The following ZFP91 variants were observed in gnomAD, a reference collection of about 807,000 sequenced individuals.
ZFP91 encodes the protein ZFP91 zinc finger protein, atypical E3 ubiquitin ligase.
Under a neutral mutation model 63.5 loss-of-function variants are expected in ZFP91, and 7 were observed. The observed-to-expected ratio is 0.11, with a 90% CI of 0.06 to 0.21. The LOEUF (loss-of-function observed/expected upper bound fraction) is 0.21, where lower values mean the gene tolerates loss of function less well. Among genes scored for constraint, ZFP91 ranks in the 10% least tolerant of loss-of-function variants. ZFP91 has a pLI of 1.00. For missense variants in ZFP91, 628 were observed against 736.6 expected (o/e 0.85, Z 1.71); for synonymous variants, 330 against 272.1 (o/e 1.21, Z -2.10).
intron 2 of ZFP91, among the ~76,000 whole-genome samples, chr11:58,597,833 T>G (rs1855427450): frequency 6.6e-6 from 1 of 152,192 alleles, no homozygotes; most frequent in African/African-American, 2.4e-5. Context: ...CTATGCTTAT[T>G]AAGCAATTCA....
At position 58,579,158 on chromosome 11, in the gene ZFP91, G is replaced by A. The variant is rs1855030217; in HGVS notation, c.-124G>A. ...AGCCGGGCGGAGGGGAGGGGGGAAAGAGGAGCGCAGGGTGAGAGTGAGCCG... is the reference window on the plus strand; with the variant it reads ...AGCCGGGCGGAGGGGAGGGGGGAAAAAGGAGCGCAGGGTGAGAGTGAGCCG... On this transcript the variant is annotated 5_prime_UTR_variant, in exon 1 of 11. Transcript: ENST00000316059. 3 of 771,322 alleles carry A rather than the reference G, an allele frequency of 3.9e-6. No individual in the cohort carries two copies. The highest frequency in any genetic ancestry group is 3.6e-6 in the Non-Finnish European group (2 of 548,850). 47.8% of individuals were successfully genotyped at this position (771,322 alleles called of 1,614,324 possible).
At chr11:58,598,478 A>G (rs1047589017) in intron 2 of ZFP91, among the ~76,000 whole-genome samples, 1 of 152,110 alleles carries the variant, frequency 6.6e-6, no homozygotes, top group African/African-American at 2.4e-5. Context: ...CTGTAGTTAT[A>G]TTCACTGTGC....
intron 2 of ZFP91, among the ~76,000 whole-genome samples, chr11:58,587,054 T>C (rs1369284025): frequency 1.3e-5 from 2 of 152,126 alleles, no homozygotes; most frequent in Non-Finnish European, 2.9e-5. Context: ...TAGGCAACTT[T>C]CCATTAATTT....
Position 58,618,684 on chromosome 11 carries a change from C to T in ZFP91, c.*978C>T, listed in dbSNP as rs1565028013. On this transcript the variant is annotated 3_prime_UTR_variant, in exon 11 of 11. Transcript: ENST00000316059. ...CATAACAGGTACTTTGAAGGCAAGA[C>T]ATAGGGTTGAAGAAGCACAGCCAGC... 2.2e-6 allele frequency: 1 copy of T among 456,570 alleles called. No individual in the cohort carries two copies. Among genetic ancestry groups the T allele is most frequent in the Non-Finnish European group, 4.4e-6 (1 of 226,954 alleles). The allele number at this position is 456,570 out of a possible 1,614,324, so 28.3% of individuals were successfully genotyped here.
chr11:58,613,528 G>T (rs566814249), intron 8 of ZFP91, among the ~76,000 whole-genome samples: 24 of 152,196 alleles, frequency 1.6e-4, no homozygotes, highest in African/African-American at 5.3e-4. Flanking sequence ...GAGAACTTTC[G>T]TTGGAATCTT....
At position 58,617,522 on chromosome 11, in the gene ZFP91, T is replaced by C. The variant is rs1323817953; in HGVS notation, c.1529T>C (p.Leu510Ser). Residue 510 changes from leucine (L) to serine (S), a missense_variant, in exon 11 of 11, where the codon TTA (leucine) becomes TCA (serine). This residue lies in a region of ZFP91 where 115 missense variants were observed against 125.4 expected (regional missense o/e 0.92). Coordinates refer to ENST00000316059, the MANE Select transcript of ZFP91 (RefSeq NM_053023.5). This position sits in a 1 kb window ranked among gnomAD's most constrained non-coding sequence, Gnocchi z 4.2. ...TCAACCTCTGGAGAGTGCCTACTGT[T>C]AGAAGCTGAAGGGATGTCAAAGTCA... ...GNSTSGECLLLEAEGMSKSYC... is the reference protein window; with the variant it reads ...GNSTSGECLLSEAEGMSKSYC... 1.2e-6 allele frequency: 2 copies of C among 1,614,040 alleles called. No homozygotes were observed. Among genetic ancestry groups the C allele is most frequent in the East Asian group, 4.5e-5 (2 of 44,878 alleles).
At chr11:58,583,502 C>G (rs1287622312) in intron 1 of ZFP91, among the ~76,000 whole-genome samples, 2 of 151,460 alleles carry the variant, frequency 1.3e-5, no homozygotes, top group African/African-American at 2.4e-5. Flanking sequence ...TGGTAATATT[C>G]TGAATTGAAA....
At chr11:58,579,832 C>T (rs750139897) in intron 1 of ZFP91, among the ~76,000 whole-genome samples, 3 of 152,122 alleles carry the variant, frequency 2.0e-5, no homozygotes, top group Admixed American at 6.5e-5. Context: ...CTTGTCGGGC[C>T]GTTTCCCCAC....
intron 2 of ZFP91, among the ~76,000 whole-genome samples, chr11:58,605,926 T>C (rs943418471): frequency 5.9e-5 from 9 of 152,348 alleles, no homozygotes; most frequent in African/African-American, 1.9e-4. Flanking sequence ...CCTTTATTCT[T>C]TTTTTCTTTA....
chr11:58,616,642 C>G (rs1187372869), intron 9 of ZFP91, 74 bp from the exon 10 acceptor site: 2 of 1,252,552 alleles, frequency 1.6e-6, no homozygotes, highest in African/African-American at 3.0e-5. Flanking sequence ...GCCCCATCAT[C>G]TGCTTACTTA....
intron 2 of ZFP91, among the ~76,000 whole-genome samples, chr11:58,601,650 G>GAT (rs1855492451): frequency 6.6e-6 from 1 of 150,850 alleles, no homozygotes; most frequent in South Asian, 2.1e-4. Context: ...TTTATATCTA[G>GAT]AAATTTTACT....
At chr11:58,612,446 A>G in intron 7 of ZFP91, 118 bp downstream of exon 7, 1 of 940,874 alleles carries the variant, frequency 1.1e-6, no homozygotes, top group East Asian at 2.6e-5. Context: ...TCACAAAAGC[A>G]ACTTCACTAA....
chr11:58,586,624 A>G (rs1002386669), intron 2 of ZFP91, among the ~76,000 whole-genome samples: 2 of 152,196 alleles, frequency 1.3e-5, no homozygotes, highest in Non-Finnish European at 2.9e-5. Context: ...CAACTCTATG[A>G]ACAGTAGATA....
At chr11:58,605,686 A>C (rs1855559292) in intron 2 of ZFP91, among the ~76,000 whole-genome samples, 2 of 148,972 alleles carry the variant, frequency 1.3e-5, no homozygotes, top group Admixed American at 1.3e-4. Flanking sequence ...TGCTGTTTTT[A>C]TGGTTCTTTG....
At position 58,619,992 on chromosome 11, in the gene ZFP91, A is replaced by G. The variant is rs540387388; in HGVS notation, c.*2286A>G. On this transcript the variant is annotated 3_prime_UTR_variant, in exon 11 of 11. Transcript: ENST00000316059. ...TAGTCATCAGATATTTTAGCCACCT[A>G]CACAAAAGCAAACTGCATTTTTAAA... 1.1e-4 allele frequency: 16 copies of G among 152,204 alleles called. No individual in the cohort carries two copies. The highest frequency in any genetic ancestry group is 1.6e-4 in the Non-Finnish European group (11 of 68,048). 9.4% of individuals were successfully genotyped at this position (152,204 alleles called of 1,614,324 possible).
intron 9 of ZFP91, among the ~76,000 whole-genome samples, chr11:58,615,098 C>T (rs1462956558): frequency 6.6e-6 from 1 of 152,160 alleles, no homozygotes; most frequent in African/African-American, 2.4e-5. Flanking sequence ...AGGAAAGTTA[C>T]TTAACTTCTC....
chr11:58,591,824 A>C (rs1855311488), intron 2 of ZFP91, among the ~76,000 whole-genome samples: 1 of 152,116 alleles, frequency 6.6e-6, no homozygotes, highest in Non-Finnish European at 1.5e-5. Flanking sequence ...GAAGTGGTCC[A>C]ATGTAGCGAA....
rs1415874684 is a variant in ZFP91 at position 58,612,318 on chromosome 11, C to T, written c.898C>T (p.Pro300Ser). 6.2e-7 allele frequency: 1 copy of T among 1,613,580 alleles called. No homozygotes were observed. Among genetic ancestry groups the T allele is most frequent in the East Asian group, 2.2e-5 (1 of 44,854 alleles). ...RRKDDKSPRL[P>S]KRRKKPPIQY... ...AAAAGATGACAAAAGTCCACGTTTA[C>T]CCAAAAGGAGGTGAGGAATTTTTAC... The change falls in exon 7 of 11, where the codon CCC (proline) becomes TCC (serine). Residue 300 changes from proline (P) to serine (S), a missense_variant. Pro to Ser is a moderately conservative substitution (Grantham distance 74, BLOSUM62 -1). Transcript: ENST00000316059.
At chr11:58,609,179 C>G (rs1486042065) in intron 2 of ZFP91, among the ~76,000 whole-genome samples, 2 of 152,108 alleles carry the variant, frequency 1.3e-5, no homozygotes, top group Non-Finnish European at 2.9e-5. Flanking sequence ...AGAGGATGAC[C>G]TACCGTACTT....
Sources: allele counts gnomAD v4.1 joint callset (sites outside exome capture counted in the v4.1 genomes callset), GRCh38; gene constraint gnomAD v4.1.1; regional missense constraint gnomAD v4.1.1; non-coding constraint Gnocchi (gnomAD v3.1); transcripts MANE v1.5; gene names NCBI Gene and HGNC (gene_info 2026-07-23, HGNC 2026-07-21).